Variants in PCDHA1 observed in about 807,000 individuals in gnomAD.
PCDHA1 encodes protocadherin alpha-1.
PCDHA1 carries 42 observed loss-of-function variants against 61.3 expected under a neutral mutation model. The ratio of observed to expected loss-of-function variants is 0.69; its 90% CI spans 0.54 to 0.89. The LOEUF (loss-of-function observed/expected upper bound fraction) is 0.89. PCDHA1 is among the 40% of genes least tolerant of loss of function. PCDHA1 has a pLI of 0.00. For synonymous variants in PCDHA1, 610 were observed against 553.8 expected (o/e 1.10, Z -1.43); for missense variants, 1,256 against 1,235.3 (o/e 1.02, Z -0.25).
chr5:140,901,658 G>T (rs1554189962), intron 1 of PCDHA1, among the ~76,000 whole-genome samples: 1 of 151,936 alleles, frequency 6.6e-6, no homozygotes, highest in Admixed American at 6.6e-5. Flanking sequence ...TGTTCTTTTT[G>T]CTCAAGATAC....
intron 1 of PCDHA1, among the ~76,000 whole-genome samples, chr5:140,908,968 C>T (rs1201886997): frequency 6.6e-6 from 1 of 152,092 alleles, no homozygotes; most frequent in African/African-American, 2.4e-5. Flanking sequence ...TCTTGATAGG[C>T]CCCACTCCAC....
chr5:140,818,309 C>T (rs2150100761), intron 1 of PCDHA1, among the ~76,000 whole-genome samples: 2 of 152,194 alleles, frequency 1.3e-5, no homozygotes, highest in South Asian at 4.1e-4. Flanking sequence ...CCATCTTTTA[C>T]TTTAGGAATT....
chr5:140,857,882 T>A, intron 1 of PCDHA1: 1 of 1,597,334 alleles, frequency 6.3e-7, no homozygotes, highest in Non-Finnish European at 8.6e-7. Flanking sequence ...TGAATTGCAG[T>A]CGGCGGCGGT....
At chr5:140,803,528 TC>T (rs1581662345) in intron 1 of PCDHA1, 1 of 1,614,204 alleles carries the variant, frequency 6.2e-7, no homozygotes, top group East Asian at 2.2e-5. Flanking sequence ...CTAGCCTTCC[TC>T]CTTGTCCAAT....
intron 1 of PCDHA1, chr5:140,825,958 CT>C (rs1175194482): frequency 1.3e-5 from 2 of 152,338 alleles, no homozygotes; most frequent in African/African-American, 2.4e-5. Flanking sequence ...CATTTGTCTA[CT>C]CTTTTGAGGG....
At chr5:140,948,752 C>T (rs246047) in intron 1 of PCDHA1, among the ~76,000 whole-genome samples, 85,413 of 151,184 alleles carry the variant, frequency 0.56, 24,715 homozygotes, top group African/African-American at 0.69. Context: ...ATCAATTTTG[C>T]TGATTTTTTT....
chr5:140,834,671 C>T (rs142482863), intron 1 of PCDHA1: 2 of 1,614,216 alleles, frequency 1.2e-6, no homozygotes, highest in Non-Finnish European at 1.7e-6. Flanking sequence ...AGGAGCTGTG[C>T]GGGCGGAGCG....
rs782807362 is a variant in PCDHA1 at position 140,884,482 on chromosome 5, T to G, written c.2395-94467T>G. ...GCGCGTGCGCGCCGGGCAAGCCCACTCTAGTGTGCTCCAGCGCGGCAGGGA... is the reference window on the plus strand; with the variant it reads ...GCGCGTGCGCGCCGGGCAAGCCCACGCTAGTGTGCTCCAGCGCGGCAGGGA... On this transcript the variant is annotated intron_variant, in intron 1 of 3. Transcript: ENST00000504120. 1.6e-5 allele frequency: 26 copies of G among 1,613,830 alleles called. No homozygotes were observed. In the East Asian group the frequency reaches 4.5e-4, roughly 28 times the overall value.
chr5:140,803,042 C>A (rs373825257), intron 1 of PCDHA1: 5 of 1,614,006 alleles, frequency 3.1e-6, no homozygotes, highest in African/African-American at 2.7e-5. Context: ...AGCCTGGGAC[C>A]GGCGGTGCGC....
At chr5:140,877,792 C>T (rs782259804) in intron 1 of PCDHA1, 1 of 1,614,004 alleles carries the variant, frequency 6.2e-7, no homozygotes, top group Non-Finnish European at 8.5e-7. Context: ...GGCCTTCAGC[C>T]CAAGCCTTCA....
chr5:140,870,485 T>C lies in PCDHA1; in HGVS notation c.2394+81801T>C, dbSNP rs1388283363. 1 of 1,614,118 alleles carries C rather than the reference T, an allele frequency of 6.2e-7. No homozygotes were observed. Among genetic ancestry groups the C allele is most frequent in the South Asian group, 1.1e-5 (1 of 91,094 alleles). On this transcript the variant is annotated intron_variant, in intron 1 of 3. Coordinates refer to ENST00000504120, the MANE Select transcript of PCDHA1 (RefSeq NM_018900.4). The stretch of plus-strand genomic sequence containing the variant: ...GCGTTCGCACAGCCCGAGTACACCG[T>C]GTTCGTGAAGGAGAACAACCCACCA...
intron 1 of PCDHA1, among the ~76,000 whole-genome samples, chr5:140,925,578 A>G (rs1378824182): frequency 6.6e-6 from 1 of 151,838 alleles, no homozygotes; most frequent in African/African-American, 2.4e-5. Flanking sequence ...GCACACCAAC[A>G]TGGCGCATGT....
At chr5:140,823,139 C>A (rs1317356250) in intron 1 of PCDHA1, 1 of 1,613,696 alleles carries the variant, frequency 6.2e-7, no homozygotes, top group African/African-American at 1.3e-5. Flanking sequence ...CCGGCGTTCG[C>A]GCAGCCCCAG....
At chr5:140,903,351 A>G (rs2070226814) in intron 1 of PCDHA1, among the ~76,000 whole-genome samples, 1 of 152,236 alleles carries the variant, frequency 6.6e-6, no homozygotes, top group Non-Finnish European at 1.5e-5. Context: ...TTTAAAAAAC[A>G]AGTTTTTCAA....
At chr5:140,958,844 G>A (rs533464436) in intron 1 of PCDHA1, among the ~76,000 whole-genome samples, 81 of 152,122 alleles carry the variant, frequency 5.3e-4, no homozygotes, top group African/African-American at 1.9e-3. Context: ...TATCATTCCA[G>A]TGTCTTTGGT....
At position 140,829,513 on chromosome 5, in the gene PCDHA1, C is replaced by T. The variant is rs146722468; in HGVS notation, c.2394+40829C>T. ...AGAACAACCCGCCGGGCTGCCACAT[C>T]TTCACGGTGTCTGCGCGAGACGCGG... On this transcript the variant is annotated intron_variant, in intron 1 of 3. Transcript: ENST00000504120. 3.1e-4 allele frequency: 493 copies of T among 1,613,532 alleles called. 1 individual carries two copies. In the African/African-American group the frequency reaches 5.8e-3, roughly 19 times the overall value.
intron 1 of PCDHA1, among the ~76,000 whole-genome samples, chr5:140,831,726 T>G (rs1554133357): frequency 6.6e-6 from 1 of 152,106 alleles, no homozygotes. Context: ...TTTGGTGTTA[T>G]CCTCCCTTGC....
In PCDHA1 at chr5:140,928,114, A is replaced by C. The variant is rs200013855; in HGVS notation, c.2395-50835A>C. ...TGATGGGCCCCTGGACCGGGAGCAG[A>C]TCAGTGAATACCAAGTCCTGATCAC... On this transcript the variant is annotated intron_variant, in intron 1 of 3. Coordinates refer to ENST00000504120, the MANE Select transcript of PCDHA1 (RefSeq NM_018900.4). 280 of 1,614,088 alleles carry C rather than the reference A, an allele frequency of 1.7e-4. No individual in the cohort carries two copies. Among genetic ancestry groups the C allele is most frequent in the Middle Eastern group, 6.6e-4 (4 of 6,084 alleles).
intron 3 of PCDHA1, among the ~76,000 whole-genome samples, chr5:140,988,734 T>C (rs2097310672): frequency 1.3e-5 from 2 of 152,212 alleles, no homozygotes. Context: ...ATAGTAATTA[T>C]TCTAGGATTG....
Sources: gnomAD v4.1 joint callset for allele counts (sites outside exome capture counted in the v4.1 genomes callset) on GRCh38, gnomAD v4.1.1 for gene constraint, MANE v1.5 for transcripts, NCBI Gene and HGNC (gene_info 2026-07-23, HGNC 2026-07-21) for gene names.